SBSN: variants seen among roughly 807,000 people sequenced by gnomAD.
SBSN encodes suprabasin.
Under a neutral mutation model 42.8 loss-of-function variants are expected in SBSN, and 33 were observed. The observed-to-expected ratio is 0.77, with a 90% confidence interval of 0.58 to 1.03. The LOEUF (loss-of-function observed/expected upper bound fraction) is 1.03, where lower values mean the gene tolerates loss of function less well. Among genes scored for constraint, SBSN ranks in the 50% least tolerant of loss-of-function variants. The pLI is 0.00. For missense variants in SBSN, 646 were observed against 757.3 expected, an observed-to-expected ratio of 0.85 and a Z score of 1.72; for synonymous variants, 276 against 307.0, an observed-to-expected ratio of 0.90 and a Z score of 1.06.
intron 3 of SBSN, 94 bp downstream of exon 3, chr19:35,524,617 C>G: frequency 7.2e-7 from 1 of 1,392,600 alleles, no homozygotes; most frequent in South Asian, 1.2e-5. Flanking sequence ...GGTCTGCCCG[C>G]CCGGGGAGCT....
chr19:35,524,261 C>G (rs1314002139), intron 3 of SBSN, among the ~76,000 whole-genome samples: 1 of 152,194 alleles, frequency 6.6e-6, no homozygotes, highest in African/African-American at 2.4e-5. Context: ...AGCCTCTGCA[C>G]TGGGGTGACC....
intron 3 of SBSN, 135 bp downstream of exon 3, chr19:35,524,576 A>C: frequency 2.6e-6 from 2 of 783,068 alleles, no homozygotes; most frequent in Non-Finnish European, 4.3e-6. Flanking sequence ...AGGACTGGGT[A>C]TCAGGTTGGA....
rs1485006105 is a variant in SBSN at position 35,526,784 on chromosome 19, G to A, written c.1498C>T (p.His500Tyr). The A allele has an allele frequency of 6.2e-7, 1 of 1,613,866 alleles. No individual in the cohort carries two copies. Among genetic ancestry groups the A allele is most frequent in the South Asian group, 1.1e-5 (1 of 91,058 alleles). Residue 500 changes from histidine to tyrosine, a missense_variant, in exon 1 of 4, where the codon CAT becomes TAT. His to Tyr is a moderately conservative substitution (Grantham distance 83, BLOSUM62 2). Around this residue, in one of 3 missense-constraint regions of SBSN, gnomAD observed 236 missense variants for 225.6 expected, o/e 1.05. Coordinates refer to ENST00000452271, the MANE Select transcript of SBSN (RefSeq NM_001166034.2). ...TCCTTTCCAGCCTGGTCAGCAGCATGGTTGACCCCTTGGCCAAGTTTCTCT... is the reference window on the plus strand; with the variant it reads ...TCCTTTCCAGCCTGGTCAGCAGCATAGTTGACCCCTTGGCCAAGTTTCTCT... Reference protein sequence around the residue: ...EAEKLGQGVNHAADQAGKEVE... With the variant: ...EAEKLGQGVNYAADQAGKEVE...
At position 35,527,906 on chromosome 19, in the gene SBSN, C is replaced by T. The variant is rs1329316695; in HGVS notation, c.376G>A (p.Val126Ile). The T allele has an allele frequency of 6.2e-7, 1 of 1,614,182 alleles. No homozygotes were observed. The highest frequency in any genetic ancestry group is 8.5e-7 in the Non-Finnish European group (1 of 1,180,050). Residue 126 changes from valine (V) to isoleucine (I), a missense_variant, in exon 1 of 4, where the codon GTT becomes ATT. Val to Ile is a conservative substitution (Grantham distance 29). Transcript: ENST00000452271. ...ATCAGTTTGTCTGCCTCCTTCCCAA[C>T]CTGTCCAGCAGCGTTGTTGACCCCA... ...GHGVNNAAGQ[V>I]GKEADKLIHH... is the part of the protein sequence containing the mutation.
rs774362416 is a variant in SBSN, at chr19:35,523,436, C to A, written c.*74G>T. The A allele has an allele frequency of 2.7e-6, 4 of 1,492,736 alleles. No homozygotes were observed. The highest frequency in any genetic ancestry group is 3.7e-6 in the Non-Finnish European group (4 of 1,069,838). 92.5% of individuals were successfully genotyped at this position (1,492,736 alleles called of 1,614,324 possible). A position where few individuals can be genotyped will look rare whatever the true frequency, so the allele number is the denominator to read the frequency against. On this transcript the variant is annotated 3_prime_UTR_variant, in exon 4 of 4. Coordinates refer to ENST00000452271, the MANE Select transcript of SBSN (RefSeq NM_001166034.2). Reference sequence around the variant, plus strand: ...GGGATTTCAGAAACCTGTCCCCCACCCCCAACCCCTCCAGGTCATGTCAGC... The same window carrying A: ...GGGATTTCAGAAACCTGTCCCCCACACCCAACCCCTCCAGGTCATGTCAGC...
rs2071405737 is a variant in SBSN, at chr19:35,528,189, C to G, written c.93G>C (p.Lys31Asn). 1 of 1,614,086 alleles carries G rather than the reference C, an allele frequency of 6.2e-7. No individual in the cohort carries two copies. Among genetic ancestry groups the G allele is most frequent in the South Asian group, 1.1e-5 (1 of 91,076 alleles). Residue 31 changes from lysine to asparagine, a missense_variant, in exon 1 of 4, where the codon AAG becomes AAC. Physicochemically the swap from Lys to Asn is moderately conservative, Grantham distance 94. This residue lies in a region of SBSN where 190 missense variants were observed against 197.1 expected (regional missense o/e 0.96). Transcript: ENST00000452271. Reference protein sequence around the residue: ...GWAASDDPIEKVIEGINRGLS... With the variant: ...GWAASDDPIENVIEGINRGLS... ...GCCCTCGGTTGATCCCTTCAATGAC[C>G]TTCTCAATGGGGTCATCGCTGGCCG...
In SBSN at chr19:35,527,222, C is replaced by A. The variant is rs746262600; in HGVS notation, c.1060G>T (p.Val354Phe). 6.5e-7 allele frequency: 1 copy of A among 1,535,128 alleles called. No homozygotes were observed. Among genetic ancestry groups the A allele is most frequent in the African/African-American group, 1.4e-5 (1 of 72,522 alleles). Residue 354 changes from valine (V) to phenylalanine (F), a missense_variant, in exon 1 of 4, where the codon GTC (valine) becomes TTC (phenylalanine). Physicochemically the swap from Val to Phe is conservative, Grantham distance 50. Coordinates refer to ENST00000452271, the MANE Select transcript of SBSN (RefSeq NM_001166034.2). The part of the protein sequence containing the change: ...WKETEKFGQG[V>F]HHAASQFGKE... The stretch of plus-strand genomic sequence containing the variant: ...CCAAACTGACTGGCAGCATGGTGGA[C>A]CCCCTGGCCAAACTTCTCTGTCTCC...
rs746618999 is a variant in SBSN, at chr19:35,524,884, G to A, written c.1679C>T (p.Ala560Val). Reference sequence around the variant, plus strand: ...CCCAGAGGCTAACGGCGTGGTTGTGGCCCCTCCTTGATGGCTGGAAGATCC... The same window carrying A: ...CCCAGAGGCTAACGGCGTGGTTGTGACCCCTCCTTGATGGCTGGAAGATCC... The part of the protein sequence containing the change: ...QSGSSSHQGG[A>V]TTTPLASGAS... The change falls in exon 2 of 4, where the codon GCC becomes GTC. Residue 560 changes from alanine (A) to valine (V), a missense_variant. Physicochemically the swap from Ala to Val is moderately conservative, Grantham distance 64. Coordinates refer to ENST00000452271, the MANE Select transcript of SBSN (RefSeq NM_001166034.2). The A allele has an allele frequency of 3.1e-6, 5 of 1,613,978 alleles. No homozygotes were observed. In the South Asian group the frequency reaches 3.3e-5, roughly 11 times the overall value.
At chr19:35,525,747 A>G (rs1157850493) in intron 1 of SBSN, among the ~76,000 whole-genome samples, 1 of 151,806 alleles carries the variant, frequency 6.6e-6, no homozygotes, top group Non-Finnish European at 1.5e-5. Flanking sequence ...CAATGGTGCA[A>G]TCTCAGCTCA....
chr19:35,524,859 C>T lies in SBSN; in HGVS notation c.1704G>A (p.Gly568=). The T allele has an allele frequency of 1.2e-6, 2 of 1,614,096 alleles. No homozygotes were observed. Among genetic ancestry groups the T allele is most frequent in the Non-Finnish European group, 1.7e-6 (2 of 1,179,998 alleles). Residue 568 remains glycine (G), a splice_region_variant and synonymous_variant, in exon 2 of 4, where the codon GGG becomes GGA. Coordinates refer to ENST00000452271, the MANE Select transcript of SBSN (RefSeq NM_001166034.2). ...GGATTTPLAS[G]ASVNTPFINL... ...CCCCTACCCCAGAGTCCGCGCTTAC[C>T]CCAGAGGCTAACGGCGTGGTTGTGG...
Position 35,526,595 on chromosome 19 carries a change from C to T in SBSN, c.1638+49G>A, listed in dbSNP as rs375696071. ...CAAATGTCCCAGGGGTTTAACCTTTCCCTCCCCCAACCCCCCTGTCCCCCA... is the reference window on the plus strand; with the variant it reads ...CAAATGTCCCAGGGGTTTAACCTTTTCCTCCCCCAACCCCCCTGTCCCCCA... On this transcript the variant is annotated intron_variant, in intron 1 of 3. Transcript: ENST00000452271. The T allele has an allele frequency of 1.1e-3, 634 of 582,872 alleles. 6 individuals carry two copies. The African/African-American group carries it at 0.011, about 10-fold the overall frequency. The allele number at this position is 582,872 out of a possible 1,614,324, so 36.1% of individuals were successfully genotyped here.
rs530565290 is a variant in SBSN, at chr19:35,526,200, A to G, written c.1638+444T>C. Among the ~76,000 whole-genome samples the G allele has an allele frequency of 2.0e-5, 3 of 152,174 alleles. No homozygotes were observed. The South Asian group carries it at 6.2e-4, about 32-fold the overall frequency. On this transcript the variant is annotated intron_variant, in intron 1 of 3. Transcript: ENST00000452271. ...TTGACCACATCAGAGGGTAGTTACA[A>G]AGATTACACAGGCCAAGGCTCATCT...
intron 1 of SBSN, 24 bp downstream of exon 1, chr19:35,526,619 CA>C: frequency 1.4e-5 from 21 of 1,520,140 alleles, no homozygotes; most frequent in South Asian, 3.7e-5. Context: ...CCCTGTCCCC[CA>C]TCTCCCCATC....
chr19:35,526,254 C>T (rs1348209673), intron 1 of SBSN, among the ~76,000 whole-genome samples: 1 of 152,190 alleles, frequency 6.6e-6, no homozygotes, highest in Non-Finnish European at 1.5e-5. Context: ...GCTCACTCTC[C>T]TAACCAGGTT....
At position 35,525,768 on chromosome 19, in the gene SBSN, C is replaced by T. The variant is rs139394894; in HGVS notation, c.1639-844G>A. Among the ~76,000 whole-genome samples the T allele has an allele frequency of 7.5e-3, 1,144 of 152,222 alleles. 10 individuals carry two copies. The highest frequency in any genetic ancestry group is 0.026 in the African/African-American group (1,083 of 41,518). ...TGCAATCTCAGCTCACTGCAAACTC[C>T]GCTTCTCGGGTTCAAGGGATTCTCC... On this transcript the variant is annotated intron_variant, in intron 1 of 3. Transcript: ENST00000452271.
Position 35,526,825 on chromosome 19 carries a change from T to C in SBSN, c.1457A>G (p.Gln486Arg). 1 of 1,613,984 alleles carries C rather than the reference T, an allele frequency of 6.2e-7. No homozygotes were observed. The highest frequency in any genetic ancestry group is 8.5e-7 in the Non-Finnish European group (1 of 1,179,968). The change falls in exon 1 of 4, where the codon CAG becomes CGG. Residue 486 changes from glutamine to arginine, a missense_variant. By Grantham distance (43) the Gln-to-Arg change is conservative. Around this residue, in one of 3 missense-constraint regions of SBSN, gnomAD observed 236 missense variants for 225.6 expected, o/e 1.05. Transcript: ENST00000452271. Reference sequence around the variant, plus strand: ...AAGTTTCTCTGCTTCCTTCCCAGCCTGGTGGACCCCAGTGTGGAACCCTTG... The same window carrying C: ...AAGTTTCTCTGCTTCCTTCCCAGCCCGGTGGACCCCAGTGTGGAACCCTTG... ...AVQGFHTGVH[Q>R]AGKEAEKLGQ...
intron 3 of SBSN, 137 bp downstream of exon 3, chr19:35,524,574 G>C (rs2071346495): frequency 2.6e-6 from 2 of 780,564 alleles, no homozygotes; most frequent in Non-Finnish European, 4.3e-6. Context: ...CCAGGACTGG[G>C]TATCAGGTTG....
intron 3 of SBSN, 48 bp downstream of exon 3, chr19:35,524,662 CG>C: frequency 6.3e-7 from 1 of 1,599,642 alleles, no homozygotes; most frequent in Non-Finnish European, 8.6e-7. Context: ...TCGGGGTGAG[CG>C]TATCTATCAG....
Position 35,527,602 on chromosome 19 carries a change from C to T in SBSN, c.680G>A (p.Gly227Glu), listed in dbSNP as rs1317826345. 1.3e-6 allele frequency: 2 copies of T among 1,534,472 alleles called. No individual in the cohort carries two copies. Among genetic ancestry groups the T allele is most frequent in the Non-Finnish European group, 8.7e-7 (1 of 1,148,656 alleles). Residue 227 changes from glycine to glutamate, a missense_variant, in exon 1 of 4, where the codon GGG becomes GAG. Around this residue, in one of 3 missense-constraint regions of SBSN, gnomAD observed 220 missense variants for 334.5 expected, o/e 0.66. Coordinates refer to ENST00000452271, the MANE Select transcript of SBSN (RefSeq NM_001166034.2). ...GWKETEKFGQ[G>E]IHHAAGQVGK... The stretch of plus-strand genomic sequence containing the variant: ...AACCTGACCGGCAGCATGGTGGATC[C>T]CCTGGCCAAACTTCTCTGTCTCCTT...
Sources: allele counts gnomAD v4.1 joint callset (sites outside exome capture counted in the v4.1 genomes callset), GRCh38; gene constraint gnomAD v4.1.1; regional missense constraint gnomAD v4.1.1; transcripts MANE v1.5; gene names NCBI Gene and HGNC (gene_info 2026-07-23, HGNC 2026-07-21).